The following NCKAP1L variants were observed in gnomAD, a reference collection of about 807,000 sequenced individuals.
NCKAP1L encodes NCK associated protein 1 like.
A neutral mutation model predicts 139.2 loss-of-function variants in NCKAP1L; 53 were observed. The ratio of observed to expected loss-of-function variants is 0.38; its 90% CI spans 0.31 to 0.48. NCKAP1L has a LOEUF of 0.48. Among genes scored for constraint, NCKAP1L ranks in the 20% least tolerant of loss-of-function variants. The pLI, the probability that NCKAP1L is intolerant of heterozygous loss-of-function variation, is 0.98. For synonymous variants in NCKAP1L, 468 were observed against 499.7 expected, an observed-to-expected ratio of 0.94 and a Z score of 0.85; for missense variants, 1,151 against 1,381.9, an observed-to-expected ratio of 0.83 and a Z score of 2.65.
At chr12:54,511,186 C>T (rs1435318069) in intron 7 of NCKAP1L, among the ~76,000 whole-genome samples, 1 of 152,196 alleles carries the variant, frequency 6.6e-6, no homozygotes, top group Non-Finnish European at 1.5e-5. Context: ...GAGTCTTGCT[C>T]TCTTCATTTT....
At chr12:54,510,105 G>A in intron 7 of NCKAP1L, 120 bp downstream of exon 7, 1 of 1,334,818 alleles carries the variant, frequency 7.5e-7, no homozygotes, top group Non-Finnish European at 1.0e-6. Context: ...TTCTTCTAGG[G>A]TATGTCTCTA....
chr12:54,517,625 T>C lies in NCKAP1L; in HGVS notation c.1188T>C (p.Pro396=), dbSNP rs2120919008. 2 of 1,613,044 alleles carry C rather than the reference T, an allele frequency of 1.2e-6. No homozygotes were observed. The highest frequency in any genetic ancestry group is 2.2e-5 in the East Asian group (1 of 44,884). ...AGAATGTCACCAAGACAAAGACACCTGAGGACTATGCTGACTCGTTAGTAC... is the reference window on the plus strand; with the variant it reads ...AGAATGTCACCAAGACAAAGACACCCGAGGACTATGCTGACTCGTTAGTAC... The part of the protein sequence containing the change: ...HTENVTKTKT[P]EDYADSSIAE... The change falls in exon 12 of 31, where the codon CCT becomes CCC. Residue 396 remains proline (P), a synonymous_variant. Transcript: ENST00000293373.
chr12:54,533,531 T>C (rs1316544489), intron 26 of NCKAP1L, among the ~76,000 whole-genome samples: 1 of 152,120 alleles, frequency 6.6e-6, no homozygotes, highest in Non-Finnish European at 1.5e-5. Flanking sequence ...GGCTTCTGTA[T>C]CAGTACCACA....
At chr12:54,519,400 A>G in intron 16 of NCKAP1L, 68 bp downstream of exon 16, 1 of 1,107,050 alleles carries the variant, frequency 9.0e-7, no homozygotes, top group Non-Finnish European at 1.2e-6. Context: ...TTTCTCCATT[A>G]TGCCACTTAC....
chr12:54,506,796 A>AAAAAAATAT lies in NCKAP1L; in HGVS notation c.307-1056_307-1055insAAAAATATA. ...TTTTGGCAACATATTAAAAAAAAAA[A>AAAAAAATAT]ATATATATATATATATATATATATA... On this transcript the variant is annotated intron_variant, in intron 3 of 30. Transcript: ENST00000293373. 3.1e-3 allele frequency among the ~76,000 whole-genome samples: 155 copies of AAAAAAATAT among 50,600 alleles called. 1 individual carries two copies. Among genetic ancestry groups the AAAAAAATAT allele is most frequent in the Middle Eastern group, 0.011 (1 of 88 alleles). The allele number at this position is 50,600 out of a possible 152,430, so 33.2% of individuals were successfully genotyped here.
chr12:54,506,193 C>T (rs1374194832), intron 3 of NCKAP1L, among the ~76,000 whole-genome samples: 1 of 151,992 alleles, frequency 6.6e-6, no homozygotes, highest in Non-Finnish European at 1.5e-5. Flanking sequence ...TATAAGAAAC[C>T]GCCAAACCTT....
Position 54,542,744 on chromosome 12 carries a change from G to A in NCKAP1L, c.*59G>A. 1.3e-6 allele frequency: 1 copy of A among 792,546 alleles called. No individual in the cohort carries two copies. The highest frequency in any genetic ancestry group is 2.0e-6 in the Non-Finnish European group (1 of 488,404). 49.1% of individuals were successfully genotyped at this position (792,546 alleles called of 1,614,324 possible). A position where few individuals can be genotyped will look rare whatever the true frequency, so the allele number is the denominator to read the frequency against. On this transcript the variant is annotated 3_prime_UTR_variant, in exon 31 of 31. Coordinates refer to ENST00000293373, the MANE Select transcript of NCKAP1L (RefSeq NM_005337.5). ...ACCTTCCTAAACCCTTGCCATAGTG[G>A]AAGCTGTGGTCACTTTCGCAGGGGG...
intron 16 of NCKAP1L, among the ~76,000 whole-genome samples, chr12:54,520,469 A>G (rs113881665): frequency 3.6e-4 from 55 of 152,306 alleles, no homozygotes; most frequent in African/African-American, 1.3e-3. Context: ...GTCCTTTATA[A>G]AAGTCTGGAA....
intron 29 of NCKAP1L, among the ~76,000 whole-genome samples, chr12:54,537,689 G>T (rs1957122736): frequency 6.6e-6 from 1 of 152,176 alleles, no homozygotes; most frequent in Non-Finnish European, 1.5e-5. Flanking sequence ...ATCACCTGGA[G>T]AGTTTCTACC....
chr12:54,505,592 C>T (rs1041848012), intron 3 of NCKAP1L, among the ~76,000 whole-genome samples: 2 of 151,986 alleles, frequency 1.3e-5, no homozygotes, highest in African/African-American at 2.4e-5. Context: ...GTGTCTGGCT[C>T]CTCTCACTCA....
chr12:54,528,612 T>TCTC (rs375931377), intron 22 of NCKAP1L, among the ~76,000 whole-genome samples: 36 of 146,268 alleles, frequency 2.5e-4, no homozygotes, highest in Non-Finnish European at 5.9e-5. Flanking sequence ...TGTCATGGCA[T>TCTC]CTTCTTCTTC....
At chr12:54,525,604 T>A (rs1957019998) in intron 20 of NCKAP1L, among the ~76,000 whole-genome samples, 1 of 152,228 alleles carries the variant, frequency 6.6e-6, no homozygotes, top group Admixed American at 6.5e-5. Context: ...GCCTAGAGGT[T>A]TGGCCTCAGT....
chr12:54,510,454 G>T, intron 7 of NCKAP1L: 1 of 327,904 alleles, frequency 3.0e-6, no homozygotes, highest in Non-Finnish European at 6.0e-6. Flanking sequence ...CTCCCGAGTA[G>T]CTGGGACTAC....
chr12:54,523,711 G>A (rs898297328), intron 19 of NCKAP1L, 114 bp from the exon 20 acceptor site: 3 of 1,460,372 alleles, frequency 2.1e-6, no homozygotes, highest in Non-Finnish European at 2.8e-6. Flanking sequence ...CTACATCAAT[G>A]TGTACTCTTC....
rs879131209 is a variant in NCKAP1L at position 54,539,111 on chromosome 12, G to T, written c.3273+138G>T. The T allele has an allele frequency of 5.9e-6, 4 of 674,208 alleles. No homozygotes were observed. The South Asian group carries it at 7.1e-5, about 12-fold the overall frequency. 41.8% of individuals were successfully genotyped at this position (674,208 alleles called of 1,614,324 possible). On this transcript the variant is annotated intron_variant, in intron 30 of 30. Coordinates refer to ENST00000293373, the MANE Select transcript of NCKAP1L (RefSeq NM_005337.5). ...AGGACTTAACTCTGCATAACCCTCT[G>T]AATGTAGTCCTCACATTCTGATTAA...
chr12:54,531,212 T>C (rs1269725760), intron 22 of NCKAP1L, 48 bp from the exon 23 acceptor site: 2 of 1,359,096 alleles, frequency 1.5e-6, no homozygotes, highest in East Asian at 2.3e-5. Flanking sequence ...GTACAAATAC[T>C]CCAGTGCCTT....
At chr12:54,539,013 G>A in intron 30 of NCKAP1L, 40 bp downstream of exon 30, 1 of 1,561,922 alleles carries the variant, frequency 6.4e-7, no homozygotes, top group Non-Finnish European at 8.8e-7. Flanking sequence ...ATAGGGAATG[G>A]AAGGGCCAGA....
chr12:54,541,254 C>A (rs540666608), intron 30 of NCKAP1L, among the ~76,000 whole-genome samples: 6 of 152,338 alleles, frequency 3.9e-5, no homozygotes, highest in African/African-American at 1.4e-4. Context: ...CAATCAAGGT[C>A]TCCCCTAAAA....
rs117018555 is a variant in NCKAP1L, at chr12:54,538,064, G to A, written c.3184-820G>A. 9.3e-3 allele frequency among the ~76,000 whole-genome samples: 1,419 copies of A among 152,246 alleles called. 13 individuals are homozygous for A. The highest frequency in any genetic ancestry group is 0.016 in the Non-Finnish European group (1,074 of 68,022). ...CTGCTTGAGCATTCTCAGTAACAAA[G>A]AGCTTATTTCTTTGCAAAGTATGGT... On this transcript the variant is annotated intron_variant, in intron 29 of 30. Coordinates refer to ENST00000293373, the MANE Select transcript of NCKAP1L (RefSeq NM_005337.5).
Sources: gnomAD v4.1 joint callset for allele counts (sites outside exome capture counted in the v4.1 genomes callset) on GRCh38, gnomAD v4.1.1 for gene constraint, MANE v1.5 for transcripts, NCBI Gene and HGNC (gene_info 2026-07-23, HGNC 2026-07-21) for gene names.